Variants in RNF183 observed in about 807,000 individuals in gnomAD.
RNF183 encodes ring finger protein 183, also known as E3 ubiquitin-protein ligase RNF183.
RNF183 carries 4 observed loss-of-function variants against 9.0 expected under a neutral mutation model. The observed-to-expected ratio is 0.44, with a 90% CI of 0.22 to 1.01. The LOEUF (loss-of-function observed/expected upper bound fraction) is 1.01, where lower values mean the gene tolerates loss of function less well. Ranked by LOEUF, RNF183 falls within the 50% of genes least tolerant of loss-of-function variation. The pLI is 0.25. For missense variants in RNF183, 227 were observed against 253.6 expected (o/e 0.89, Z 0.71); for synonymous variants, 102 against 107.5 (o/e 0.95, Z 0.32).
At position 113,298,042 on chromosome 9, in the gene RNF183, G is replaced by T. The variant is rs557126592; in HGVS notation, c.143C>A (p.Thr48Asn). 226 of 1,614,044 alleles carry T rather than the reference G, an allele frequency of 1.4e-4. 2 individuals are homozygous for T. The South Asian group carries it at 2.4e-3, about 17-fold the overall frequency. ...VECLAHLSLV[T>N]PARRRLLCPL... ...GCACAGCAGGCGGCGCCGGGCTGGA[G>T]TCACAAGGCTGAGGTGGGCCAGACA... Residue 48 changes from threonine (T) to asparagine (N), a missense_variant, in exon 5 of 5, where the codon ACT becomes AAT. By Grantham distance (65) the Thr-to-Asn change is moderately conservative (BLOSUM62 0). Transcript: ENST00000489339. This position sits in a 1 kb window ranked among gnomAD's most constrained non-coding sequence, Gnocchi z 4.9.
Position 113,297,404 on chromosome 9 carries a change from G to T in RNF183, c.*202C>A. Reference sequence around the variant, plus strand: ...GACGCCACACTCACACCCGGAGGTCGCTCCACATCTCCCAGTCCTTCAAGC... The same window carrying T: ...GACGCCACACTCACACCCGGAGGTCTCTCCACATCTCCCAGTCCTTCAAGC... On this transcript the variant is annotated 3_prime_UTR_variant, in exon 5 of 5. Coordinates refer to ENST00000489339, the MANE Select transcript of RNF183 (RefSeq NM_001371237.1). 2 of 428,224 alleles carry T rather than the reference G, an allele frequency of 4.7e-6. No individual in the cohort carries two copies. The highest frequency in any genetic ancestry group is 8.5e-6 in the Non-Finnish European group (2 of 236,416). The allele number at this position is 428,224 out of a possible 1,614,324, so 26.5% of individuals were successfully genotyped here.
In RNF183 at chr9:113,297,411, A is replaced by C. The variant is rs768568412; in HGVS notation, c.*195T>G. The C allele has an allele frequency of 1.3e-5, 6 of 453,744 alleles. No homozygotes were observed. The highest frequency in any genetic ancestry group is 3.9e-5 in the East Asian group (1 of 25,684). 28.1% of individuals were successfully genotyped at this position (453,744 alleles called of 1,614,324 possible). On this transcript the variant is annotated 3_prime_UTR_variant, in exon 5 of 5. Transcript: ENST00000489339. ...CACTCACACCCGGAGGTCGCTCCAC[A>C]TCTCCCAGTCCTTCAAGCTTTTCGT...
In RNF183 at chr9:113,297,815, G is replaced by A; in HGVS notation, c.370C>T (p.Pro124Ser). The change falls in exon 5 of 5, where the codon CCT (proline) becomes TCT (serine). Residue 124 changes from proline (P) to serine (S), a missense_variant. Coordinates refer to ENST00000489339, the MANE Select transcript of RNF183 (RefSeq NM_001371237.1). Reference protein sequence around the residue: ...QVYTLDLGPQPGGQTGPPPDT... With the variant: ...QVYTLDLGPQSGGQTGPPPDT... ...GGGGGCGGCCCAGTCTGGCCCCCAG[G>A]CTGGGGGCCAAGGTCCAGCGTGTAG... 1 of 1,610,336 alleles carries A rather than the reference G, an allele frequency of 6.2e-7. No homozygotes were observed. Among genetic ancestry groups the A allele is most frequent in the Non-Finnish European group, 8.5e-7 (1 of 1,177,974 alleles).
chr9:113,300,117 G>T (rs1172000203), intron 3 of RNF183, among the ~76,000 whole-genome samples: 1 of 152,176 alleles, frequency 6.6e-6, no homozygotes, highest in Non-Finnish European at 1.5e-5. Flanking sequence ...CGACTGAGCC[G>T]ATGTCTGAAG....
At position 113,298,502 on chromosome 9, in the gene RNF183, G is replaced by C; in HGVS notation, c.-37-281C>G. ...GTCGCCCTGGGCTTTGGAGCTGGAC[G>C]CAAATGCTCCTTATGGTCATTGTCT... On this transcript the variant is annotated intron_variant, in intron 4 of 4. Coordinates refer to ENST00000489339, the MANE Select transcript of RNF183 (RefSeq NM_001371237.1). The surrounding 1 kb of genome is among the most constrained non-coding windows in gnomAD (Gnocchi z 4.9). 1 of 387,764 alleles carries C rather than the reference G, an allele frequency of 2.6e-6. No homozygotes were observed. The highest frequency in any genetic ancestry group is 4.7e-6 in the Non-Finnish European group (1 of 213,784). The allele number at this position is 387,764 out of a possible 1,614,324, so 24.0% of individuals were successfully genotyped here. A position where few individuals can be genotyped will look rare whatever the true frequency, so the allele number is the denominator to read the frequency against.
Position 113,297,580 on chromosome 9 carries a change from T to C in RNF183, c.*26A>G, listed in dbSNP as rs1446990633. 1 of 1,504,562 alleles carries C rather than the reference T, an allele frequency of 6.6e-7. No homozygotes were observed. The highest frequency in any genetic ancestry group is 1.3e-5 in the South Asian group (1 of 77,732). 93.2% of individuals were successfully genotyped at this position (1,504,562 alleles called of 1,614,324 possible). ...CATACCCAGCAGCAACCGAAAAAGGTTTGGTTTCTTGTCTGGGAACAGCAC... is the reference window on the plus strand; with the variant it reads ...CATACCCAGCAGCAACCGAAAAAGGCTTGGTTTCTTGTCTGGGAACAGCAC... On this transcript the variant is annotated 3_prime_UTR_variant, in exon 5 of 5. Coordinates refer to ENST00000489339, the MANE Select transcript of RNF183 (RefSeq NM_001371237.1).
chr9:113,302,766 C>T (rs549130944), intron 1 of RNF183, among the ~76,000 whole-genome samples: 18 of 152,314 alleles, frequency 1.2e-4, no homozygotes, highest in African/African-American at 4.3e-4. Flanking sequence ...TACAAGGTTG[C>T]TCTGGGGAAG....
rs1293457043 is a variant in RNF183 at position 113,298,987 on chromosome 9, C to T, written c.-38+585G>A. ...GGGCTTCTGTGGGCTCCAGGGTGGT[C>T]AGGCAGACTACTCTGGAGGGCCTGA... On this transcript the variant is annotated intron_variant, in intron 4 of 4. Transcript: ENST00000489339. The surrounding 1 kb of genome is among the most constrained non-coding windows in gnomAD (Gnocchi z 4.9). 1 of 152,362 alleles carries T rather than the reference C, an allele frequency of 6.6e-6. No individual in the cohort carries two copies. Among genetic ancestry groups the T allele is most frequent in the Non-Finnish European group, 1.5e-5 (1 of 68,202 alleles). The allele number at this position is 152,362 out of a possible 1,614,324, so 9.4% of individuals were successfully genotyped here.
At position 113,298,105 on chromosome 9, in the gene RNF183, G is replaced by C. The variant is rs1015890758; in HGVS notation, c.80C>G (p.Pro27Arg). The change falls in exon 5 of 5, where the codon CCC becomes CGC. Residue 27 changes from proline (P) to arginine (R), a missense_variant. Transcript: ENST00000489339. The surrounding 1 kb of genome is among the most constrained non-coding windows in gnomAD (Gnocchi z 4.9). The stretch of plus-strand genomic sequence containing the variant: ...GGAGTGGCAGCAATCCAGCATTTTG[G>C]GGGTATGGAACGTGTTGTTGAAGGG... ...WNPFNNTFHT[P>R]KMLDCCHSFC... 1 of 1,614,096 alleles carries C rather than the reference G, an allele frequency of 6.2e-7. No individual in the cohort carries two copies.
chr9:113,300,744 C>T (rs936583016), intron 3 of RNF183, among the ~76,000 whole-genome samples: 1 of 152,064 alleles, frequency 6.6e-6, no homozygotes, highest in East Asian at 1.9e-4. Flanking sequence ...GTATAGTACT[C>T]GGGACCTGTG....
In RNF183 at chr9:113,298,289, A is replaced by G. The variant is rs968852764; in HGVS notation, c.-37-68T>C. On this transcript the variant is annotated intron_variant, in intron 4 of 4. Coordinates refer to ENST00000489339, the MANE Select transcript of RNF183 (RefSeq NM_001371237.1). The surrounding 1 kb of genome is among the most constrained non-coding windows in gnomAD (Gnocchi z 4.9). Reference sequence around the variant, plus strand: ...CCATCCTTGTGCTTGGCCTGGGGCAAAGTGTTCTGTGGGTGTTGAAAGGTG... The same window carrying G: ...CCATCCTTGTGCTTGGCCTGGGGCAGAGTGTTCTGTGGGTGTTGAAAGGTG... 1.0e-6 allele frequency: 1 copy of G among 978,840 alleles called. No individual in the cohort carries two copies. The highest frequency in any genetic ancestry group is 1.6e-6 in the Non-Finnish European group (1 of 640,200). 60.6% of individuals were successfully genotyped at this position (978,840 alleles called of 1,614,324 possible). A position where few individuals can be genotyped will look rare whatever the true frequency, so the allele number is the denominator to read the frequency against.
At position 113,297,453 on chromosome 9, in the gene RNF183, A is replaced by G; in HGVS notation, c.*153T>C. On this transcript the variant is annotated 3_prime_UTR_variant, in exon 5 of 5. Transcript: ENST00000489339. ...GCTTTTCGTTTTTTTGTTTTTTTTT[A>G]AAATTGTTCCCAGAAGCAAACACAT... 3 of 508,676 alleles carry G rather than the reference A, an allele frequency of 5.9e-6. No homozygotes were observed. Among genetic ancestry groups the G allele is most frequent in the Non-Finnish European group, 1.0e-5 (3 of 295,274 alleles). 31.5% of individuals were successfully genotyped at this position (508,676 alleles called of 1,614,324 possible). A position where few individuals can be genotyped will look rare whatever the true frequency, so the allele number is the denominator to read the frequency against.
In RNF183 at chr9:113,297,434, CGTTTTTTT is replaced by C. The variant is rs1004650776; in HGVS notation, c.*164_*171del. On this transcript the variant is annotated 3_prime_UTR_variant, in exon 5 of 5. Transcript: ENST00000489339. ...ACATCTCCCAGTCCTTCAAGCTTTT[CGTTTTTTT>C]GTTTTTTTTTAAAATTGTTCCCAGA... 11 of 529,846 alleles carry C rather than the reference CGTTTTTTT, an allele frequency of 2.1e-5. No homozygotes were observed. In the South Asian group the frequency reaches 2.7e-4, roughly 13 times the overall value. The allele number at this position is 529,846 out of a possible 1,614,324, so 32.8% of individuals were successfully genotyped here. A position where few individuals can be genotyped will look rare whatever the true frequency, so the allele number is the denominator to read the frequency against.
chr9:113,297,806 G>T lies in RNF183; in HGVS notation c.379C>A (p.Gln127Lys). Reference sequence around the variant, plus strand: ...GCCGTGTCTGGGGGCGGCCCAGTCTGGCCCCCAGGCTGGGGGCCAAGGTCC... The same window carrying T: ...GCCGTGTCTGGGGGCGGCCCAGTCTTGCCCCCAGGCTGGGGGCCAAGGTCC... ...TLDLGPQPGG[Q>K]TGPPPDTASA... is the part of the protein sequence containing the mutation. The change falls in exon 5 of 5, where the codon CAG (glutamine) becomes AAG (lysine). Residue 127 changes from glutamine (Q) to lysine (K), a missense_variant. Gln to Lys is a moderately conservative substitution (Grantham distance 53). Transcript: ENST00000489339. The T allele has an allele frequency of 1.2e-6, 2 of 1,610,826 alleles. No individual in the cohort carries two copies. The highest frequency in any genetic ancestry group is 1.7e-6 in the Non-Finnish European group (2 of 1,178,350).
In RNF183 at chr9:113,301,728, T is replaced by C. The variant is rs1832923960; in HGVS notation, c.-298A>G. 2 of 152,192 alleles carry C rather than the reference T, an allele frequency of 1.3e-5. No homozygotes were observed. The highest frequency in any genetic ancestry group is 1.3e-4 in the Admixed American group (2 of 15,282). 9.4% of individuals were successfully genotyped at this position (152,192 alleles called of 1,614,324 possible). A position where few individuals can be genotyped will look rare whatever the true frequency, so the allele number is the denominator to read the frequency against. On this transcript the variant is annotated 5_prime_UTR_variant, in exon 3 of 5. Transcript: ENST00000489339. Reference sequence around the variant, plus strand: ...CATCATTTCCCCCACTGGGAATCGATTCCACGGAAACCATCAAGGACTTCT... The same window carrying C: ...CATCATTTCCCCCACTGGGAATCGACTCCACGGAAACCATCAAGGACTTCT...
Position 113,301,372 on chromosome 9 carries a change from C to T in RNF183, c.-242+300G>A, listed in dbSNP as rs138288889. Among the ~76,000 whole-genome samples the T allele has an allele frequency of 2.6e-4, 39 of 152,294 alleles. No individual in the cohort carries two copies. The East Asian group carries it at 7.5e-3, about 29-fold the overall frequency. ...ACAAACCCATACAGCTTATTATGTT[C>T]TGAACACTGTAGGCAATTGTAACAC... is the stretch of plus-strand genomic sequence containing the variant. On this transcript the variant is annotated intron_variant, in intron 3 of 4. Transcript: ENST00000489339.
Position 113,297,895 on chromosome 9 carries a change from T to C in RNF183, c.290A>G (p.Gln97Arg). 6.2e-7 allele frequency: 1 copy of C among 1,613,830 alleles called. No homozygotes were observed. The highest frequency in any genetic ancestry group is 8.5e-7 in the Non-Finnish European group (1 of 1,179,954). The change falls in exon 5 of 5, where the codon CAG (glutamine) becomes CGG (arginine). Residue 97 changes from glutamine to arginine, a missense_variant. Gln to Arg is a conservative substitution (Grantham distance 43). Coordinates refer to ENST00000489339, the MANE Select transcript of RNF183 (RefSeq NM_001371237.1). Reference protein sequence around the residue: ...EPHHVILEGHQLCLKDQPKSR... With the variant: ...EPHHVILEGHRLCLKDQPKSR... ...CTTGGGCTGGTCCTTGAGGCACAGC[T>C]GATGGCCTTCCAGGATGACATGGTG...
At chr9:113,300,148 G>A (rs1340860003) in intron 3 of RNF183, among the ~76,000 whole-genome samples, 1 of 152,108 alleles carries the variant, frequency 6.6e-6, no homozygotes, top group Non-Finnish European at 1.5e-5. Flanking sequence ...TTATACTCTC[G>A]GACCTGTGGC....
rs1397423941 is a variant in RNF183 at position 113,297,720 on chromosome 9, G to A, written c.465C>T (p.Phe155=). 6 of 1,613,986 alleles carry A rather than the reference G, an allele frequency of 3.7e-6. No individual in the cohort carries two copies. The highest frequency in any genetic ancestry group is 1.7e-5 in the Admixed American group (1 of 60,000). The part of the protein sequence containing the change: ...IPSHHSLREC[F]RNPQFRIFAY... Reference sequence around the variant, plus strand: ...CAAAGATGCGGAACTGAGGGTTGCGGAAACACTCCCTCAAAGAGTGGTGGC... The same window carrying A: ...CAAAGATGCGGAACTGAGGGTTGCGAAAACACTCCCTCAAAGAGTGGTGGC... Residue 155 remains phenylalanine (F), a synonymous_variant, in exon 5 of 5, where the codon TTC becomes TTT. Coordinates refer to ENST00000489339, the MANE Select transcript of RNF183 (RefSeq NM_001371237.1).
Sources: gnomAD v4.1 joint callset for allele counts (sites outside exome capture counted in the v4.1 genomes callset) on GRCh38, gnomAD v4.1.1 for gene constraint, Gnocchi (gnomAD v3.1) non-coding constraint, MANE v1.5 for transcripts, NCBI Gene and HGNC (gene_info 2026-07-23, HGNC 2026-07-21) for gene names.